Variants in MATN2 observed in about 807,000 individuals in gnomAD.
MATN2 encodes the protein matrilin-2.
MATN2 carries 69 observed loss-of-function variants against 103.2 expected under a neutral mutation model. The observed-to-expected ratio is 0.67, with a 90% CI of 0.55 to 0.82. The LOEUF (loss-of-function observed/expected upper bound fraction) is 0.82, where lower values mean the gene tolerates loss of function less well. Among genes scored for constraint, MATN2 ranks in the 40% least tolerant of loss-of-function variants. The pLI, the probability that MATN2 is intolerant of heterozygous loss-of-function variation, is 0.00. For synonymous variants in MATN2, 429 were observed against 450.2 expected, an observed-to-expected ratio of 0.95 and a Z score of 0.60; for missense variants, 1,023 against 1,211.5, an observed-to-expected ratio of 0.84 and a Z score of 2.31.
chr8:98,006,144 C>T (rs1283847832), intron 8 of MATN2, among the ~76,000 whole-genome samples: 1 of 152,182 alleles, frequency 6.6e-6, no homozygotes, highest in Non-Finnish European at 1.5e-5. Context: ...ACTTGCTGCC[C>T]GGAGGACCAG....
intron 4 of MATN2, among the ~76,000 whole-genome samples, chr8:97,959,062 T>C (rs1331178151): frequency 6.6e-6 from 1 of 152,212 alleles, no homozygotes; most frequent in Admixed American, 6.5e-5. Context: ...CTGTCCCAAT[T>C]CTGAACTCCC....
Position 97,961,498 on chromosome 8 carries a change from A to C in MATN2, c.926A>C (p.Tyr309Ser). ...TTCGTCTGCCAGTGCTACAGTGGCT[A>C]CGCCCTGGCTGAGGATGGGAAGAGG... ...GSFVCQCYSG[Y>S]ALAEDGKRCV... The change falls in exon 5 of 19, where the codon TAC (tyrosine) becomes TCC (serine). Residue 309 changes from tyrosine to serine, a missense_variant. Tyr to Ser is a moderately radical substitution (Grantham distance 144). Coordinates refer to ENST00000254898, the MANE Select transcript of MATN2 (RefSeq NM_002380.5). 6.2e-7 allele frequency: 1 copy of C among 1,613,584 alleles called. No individual in the cohort carries two copies. The highest frequency in any genetic ancestry group is 1.1e-5 in the South Asian group (1 of 91,014).
At chr8:98,001,575 A>G (rs761743022) in intron 7 of MATN2, among the ~76,000 whole-genome samples, 27 of 148,542 alleles carry the variant, frequency 1.8e-4, no homozygotes, top group Non-Finnish European at 2.8e-4. Flanking sequence ...AGCGATTCTC[A>G]TGCCTCAGGC....
rs148167002 is a variant in MATN2, at chr8:97,918,511, T to A, written c.143-12442T>A. ...ACATCACTGCACATTAAGTTACTCA[T>A]TGGGCTTACTGTCATCACGACCTGG... On this transcript the variant is annotated intron_variant, in intron 2 of 18. Coordinates refer to ENST00000254898, the MANE Select transcript of MATN2 (RefSeq NM_002380.5). 1.3e-3 allele frequency among the ~76,000 whole-genome samples: 205 copies of A among 152,336 alleles called. 1 individual carries two copies. Among genetic ancestry groups the A allele is most frequent in the African/African-American group, 4.4e-3 (184 of 41,584 alleles).
rs1221851089 is a variant in MATN2 at position 97,987,923 on chromosome 8, A to G, written c.1082-6557A>G. Among the ~76,000 whole-genome samples, 4 of 152,052 alleles carry G rather than the reference A, an allele frequency of 2.6e-5. No homozygotes were observed. The East Asian group carries it at 7.7e-4, about 29-fold the overall frequency. On this transcript the variant is annotated intron_variant, in intron 6 of 18. Transcript: ENST00000254898. ...TTTTAGAAGATTAATAAAATTGATA[A>G]ATGTCTAACCAGACTAGTCAAGGAA...
At chr8:97,959,601 T>C (rs867336339) in intron 4 of MATN2, among the ~76,000 whole-genome samples, 13 of 152,210 alleles carry the variant, frequency 8.5e-5, no homozygotes, top group South Asian at 2.1e-4. Flanking sequence ...TAAAAGAATC[T>C]GTGTCTATAA....
intron 2 of MATN2, among the ~76,000 whole-genome samples, chr8:97,930,141 A>G (rs1810128511): frequency 6.6e-6 from 1 of 152,180 alleles, no homozygotes; most frequent in South Asian, 2.1e-4. Context: ...CTCACGTCCC[A>G]TCTCCTTGAC....
chr8:97,976,766 C>G (rs1317352651), intron 5 of MATN2, among the ~76,000 whole-genome samples: 1 of 151,264 alleles, frequency 6.6e-6, no homozygotes, highest in Admixed American at 6.6e-5. Flanking sequence ...CAGGGTCTTG[C>G]TCTGTCAACC....
intron 2 of MATN2, among the ~76,000 whole-genome samples, chr8:97,928,524 C>G (rs1045340063): frequency 3.9e-5 from 6 of 152,216 alleles, no homozygotes. Context: ...CTGCACCTGG[C>G]TGAAAAGCAC....
intron 2 of MATN2, among the ~76,000 whole-genome samples, chr8:97,925,078 G>A (rs1809946806): frequency 6.6e-6 from 1 of 152,142 alleles, no homozygotes; most frequent in South Asian, 2.1e-4. Context: ...CAGATTCACA[G>A]AGACTCCAGT....
At chr8:97,940,375 A>C (rs1306278993) in intron 3 of MATN2, among the ~76,000 whole-genome samples, 1 of 152,370 alleles carries the variant, frequency 6.6e-6, no homozygotes, top group Middle Eastern at 3.4e-3. Context: ...TTCACCCTGA[A>C]GTAAAAATGA....
chr8:97,946,099 C>A (rs1810744424), intron 4 of MATN2, among the ~76,000 whole-genome samples: 1 of 152,066 alleles, frequency 6.6e-6, no homozygotes. Context: ...AGTGTTATTC[C>A]CACACACTGA....
At chr8:97,977,668 C>A (rs1811884888) in intron 5 of MATN2, among the ~76,000 whole-genome samples, 1 of 152,086 alleles carries the variant, frequency 6.6e-6, no homozygotes, top group Admixed American at 6.5e-5. Context: ...CAGTGACTCC[C>A]AACTCATTCA....
chr8:97,971,929 C>G (rs1040357696), intron 5 of MATN2, among the ~76,000 whole-genome samples: 1 of 151,298 alleles, frequency 6.6e-6, no homozygotes, highest in Admixed American at 6.6e-5. Context: ...GGCATGGTGG[C>G]TCAAGCCTGT....
At chr8:97,959,142 C>T (rs1811229534) in intron 4 of MATN2, among the ~76,000 whole-genome samples, 1 of 152,196 alleles carries the variant, frequency 6.6e-6, no homozygotes, top group African/African-American at 2.4e-5. Flanking sequence ...ATTTAGGTGG[C>T]ATCTAACAAC....
At chr8:97,944,466 TG>T (rs1264083465) in intron 4 of MATN2, among the ~76,000 whole-genome samples, 1 of 152,228 alleles carries the variant, frequency 6.6e-6, no homozygotes, top group Non-Finnish European at 1.5e-5. Flanking sequence ...ATAACTCTTT[TG>T]CTTTCCCAAA....
At chr8:97,881,474 T>C (rs1260845018) in intron 1 of MATN2, among the ~76,000 whole-genome samples, 2 of 152,176 alleles carry the variant, frequency 1.3e-5, no homozygotes, top group Non-Finnish European at 2.9e-5. Context: ...CCCCACCCCC[T>C]TGGTGAAGTT....
chr8:98,029,867 G>A (rs1288814405), intron 14 of MATN2, among the ~76,000 whole-genome samples: 3 of 152,154 alleles, frequency 2.0e-5, no homozygotes, highest in Non-Finnish European at 2.9e-5. Context: ...TAAAGCAAAC[G>A]CATATCCCTG....
intron 4 of MATN2, among the ~76,000 whole-genome samples, chr8:97,956,907 G>T (rs1283854503): frequency 6.6e-6 from 1 of 152,202 alleles, no homozygotes; most frequent in Non-Finnish European, 1.5e-5. Context: ...GGGAGGCAGG[G>T]CATCTGGGCC....
Sources: allele counts gnomAD v4.1 joint callset (sites outside exome capture counted in the v4.1 genomes callset), GRCh38; gene constraint gnomAD v4.1.1; transcripts MANE v1.5; gene names NCBI Gene and HGNC (gene_info 2026-07-23, HGNC 2026-07-21).